NCOA6: variants seen among roughly 807,000 people sequenced by gnomAD.
NCOA6 encodes the protein nuclear receptor coactivator 6, also known as NRC RAP250.
A neutral mutation model predicts 171.4 loss-of-function variants in NCOA6; 49 were observed. The observed-to-expected ratio is 0.29, with a 90% confidence interval of 0.23 to 0.36. NCOA6 has a LOEUF of 0.36. NCOA6 is among the 10% of genes least tolerant of loss of function. NCOA6 has a pLI of 1.00. For synonymous variants in NCOA6, 910 were observed against 927.5 expected (o/e 0.98, Z 0.34); for missense variants, 2,248 against 2,554.5 (o/e 0.88, Z 2.59).
At chr20:34,720,653 T>C (rs921307840) in intron 14 of NCOA6, among the ~76,000 whole-genome samples, 30 of 152,228 alleles carry the variant, frequency 2.0e-4, no homozygotes, top group Non-Finnish European at 2.9e-5. Flanking sequence ...ACCAAACTCT[T>C]ATTAAATGCA....
rs61752053 is a variant in NCOA6 at position 34,749,585 on chromosome 20, T to C, written c.2610A>G (p.Gln870=). ...APNGNQMSCG[Q]NPGFPVNKDV... ...CCTTATTGACTGGGAAGCCTGGATT[T>C]TGACCACAGGACATCTGATTTCCAT... The change falls in exon 9 of 15, where the codon CAA becomes CAG. Residue 870 remains glutamine, a synonymous_variant. Transcript: ENST00000359003. 9.5e-4 allele frequency: 1,536 copies of C among 1,614,228 alleles called. 1 individual carries two copies. The highest frequency in any genetic ancestry group is 1.2e-3 in the Non-Finnish European group (1,470 of 1,180,048).
chr20:34,797,366 T>C (rs1486073283), intron 1 of NCOA6, among the ~76,000 whole-genome samples: 1 of 152,112 alleles, frequency 6.6e-6, no homozygotes, highest in African/African-American at 2.4e-5. Flanking sequence ...AGACATACCC[T>C]GGGCCAGAAG....
intron 5 of NCOA6, among the ~76,000 whole-genome samples, chr20:34,763,155 T>C (rs2076867886): frequency 6.6e-6 from 1 of 152,226 alleles, no homozygotes; most frequent in Non-Finnish European, 1.5e-5. Flanking sequence ...ACGTCTTTCA[T>C]CCATTCTGGA....
intron 6 of NCOA6, 113 bp downstream of exon 6, chr20:34,758,680 TTTGTAAAGAAGG>T: frequency 7.8e-7 from 1 of 1,286,446 alleles, no homozygotes; most frequent in Non-Finnish European, 1.1e-6. Context: ...CAGGTCAGAT[TTTGTAAAGAAGG>T]TTGACATTGT....
At chr20:34,807,974 AC>A (rs1383296106) in intron 1 of NCOA6, among the ~76,000 whole-genome samples, 1 of 150,638 alleles carries the variant, frequency 6.6e-6, no homozygotes, top group Non-Finnish European at 1.5e-5. Flanking sequence ...ACATGGTGAA[AC>A]CCTGTCTCTA....
intron 1 of NCOA6, among the ~76,000 whole-genome samples, chr20:34,814,276 T>C (rs1053753919): frequency 3.3e-5 from 5 of 151,550 alleles, no homozygotes; most frequent in African/African-American, 9.7e-5. Flanking sequence ...GAGGTGGAGG[T>C]TGCAGTGAGC....
chr20:34,748,753 G>C (rs569869465), intron 9 of NCOA6, among the ~76,000 whole-genome samples: 2 of 152,156 alleles, frequency 1.3e-5, no homozygotes, highest in African/African-American at 4.8e-5. Context: ...TCATCTTAGC[G>C]TGGGGTTTTA....
Position 34,750,219 on chromosome 20 carries a change from C to T in NCOA6, c.1976G>A (p.Gly659Asp). ...GCTCGGGGGGTTCACCATCATCTGG[C>T]CCTGTGGCATAAGCTGGGCCCTTGA... ...ILSRAQLMPQGQMMVNPPSQN... is the reference protein window; with the variant it reads ...ILSRAQLMPQDQMMVNPPSQN... The change falls in exon 9 of 15, where the codon GGC becomes GAC. Residue 659 changes from glycine to aspartate, a missense_variant. Physicochemically the swap from Gly to Asp is moderately conservative, Grantham distance 94 (BLOSUM62 -1). Transcript: ENST00000359003. 2 of 1,610,596 alleles carry T rather than the reference C, an allele frequency of 1.2e-6. No individual in the cohort carries two copies. Among genetic ancestry groups the T allele is most frequent in the Non-Finnish European group, 1.7e-6 (2 of 1,178,164 alleles).
chr20:34,769,519 A>G (rs895621919), intron 4 of NCOA6, among the ~76,000 whole-genome samples: 15 of 151,846 alleles, frequency 9.9e-5, no homozygotes, highest in South Asian at 4.2e-4. Flanking sequence ...GCCCACCACC[A>G]CGCCCAGCTA....
At chr20:34,783,701 C>A (rs1380834621) in intron 2 of NCOA6, among the ~76,000 whole-genome samples, 1 of 152,180 alleles carries the variant, frequency 6.6e-6, no homozygotes, top group East Asian at 1.9e-4. Flanking sequence ...CGGCTCACTG[C>A]AACCTCCACC....
rs202105759 is a variant in NCOA6 at position 34,757,686 on chromosome 20, T to A, written c.1062A>T (p.Gln354His). ...WKKAPLPGPM[Q>H]QQLQARPSLA... ...AGGATGGTCTTGCCTGGAGTTGCTG[T>A]TGCATTGGGCCGGGCAAGGGAGCCT... Residue 354 changes from glutamine to histidine, a missense_variant, in exon 7 of 15, where the codon CAA becomes CAT. Physicochemically the swap from Gln to His is conservative, Grantham distance 24 (BLOSUM62 0). Around this residue, in one of 7 missense-constraint regions of NCOA6, gnomAD observed 987 missense variants for 1,104.7 expected, o/e 0.89. Coordinates refer to ENST00000359003, the MANE Select transcript of NCOA6 (RefSeq NM_014071.5). 1 of 1,614,122 alleles carries A rather than the reference T, an allele frequency of 6.2e-7. No homozygotes were observed. Among genetic ancestry groups the A allele is most frequent in the African/African-American group, 1.3e-5 (1 of 75,040 alleles).
intron 5 of NCOA6, among the ~76,000 whole-genome samples, chr20:34,761,616 G>A (rs534127002): frequency 4.3e-4 from 66 of 152,004 alleles, no homozygotes; most frequent in Middle Eastern, 3.4e-3. Context: ...ATTTATGCTT[G>A]GAAATATTAA....
intron 4 of NCOA6, among the ~76,000 whole-genome samples, chr20:34,770,833 T>C (rs2077127590): frequency 6.6e-6 from 1 of 151,992 alleles, no homozygotes; most frequent in Non-Finnish European, 1.5e-5. Flanking sequence ...TTTCACCATG[T>C]TGGCCAGACT....
intron 4 of NCOA6, 29 bp from the exon 5 acceptor site, chr20:34,768,615 A>G (rs746234863): frequency 3.1e-6 from 5 of 1,609,132 alleles, no homozygotes; most frequent in Non-Finnish European, 4.2e-6. Flanking sequence ...ATAAAAAGGA[A>G]ATCATTAGAA....
chr20:34,748,034 T>G (rs2076357312), intron 9 of NCOA6, among the ~76,000 whole-genome samples: 1 of 152,196 alleles, frequency 6.6e-6, no homozygotes, highest in Non-Finnish European at 1.5e-5. Flanking sequence ...GTAAATCCAC[T>G]GTCTCCCTTT....
At chr20:34,803,095 G>C (rs766988046) in intron 1 of NCOA6, among the ~76,000 whole-genome samples, 13 of 152,008 alleles carry the variant, frequency 8.6e-5, no homozygotes, top group Non-Finnish European at 1.2e-4. Context: ...ACAAGCATGA[G>C]CCACCATGCC....
At chr20:34,746,729 G>T in intron 10 of NCOA6, 78 bp downstream of exon 10, 1 of 1,425,478 alleles carries the variant, frequency 7.0e-7, no homozygotes, top group South Asian at 1.5e-5. Context: ...AAATACTATT[G>T]TTTCCTTGAA....
intron 2 of NCOA6, among the ~76,000 whole-genome samples, chr20:34,785,814 ATCT>A (rs1401242927): frequency 1.3e-5 from 2 of 151,982 alleles, no homozygotes; most frequent in Non-Finnish European, 2.9e-5. Context: ...GATCTGGAAA[ATCT>A]TCTACTGGCA....
At chr20:34,715,428 A>G (rs1988415434) in intron 14 of NCOA6, 63 bp from the exon 15 acceptor site, 3 of 1,242,122 alleles carry the variant, frequency 2.4e-6, no homozygotes, top group South Asian at 2.4e-5. Context: ...CCCTTTAGAC[A>G]GTCCACAACA....
Sources: allele counts gnomAD v4.1 joint callset (sites outside exome capture counted in the v4.1 genomes callset), GRCh38; gene constraint gnomAD v4.1.1; regional missense constraint gnomAD v4.1.1; transcripts MANE v1.5; gene names NCBI Gene and HGNC (gene_info 2026-07-23, HGNC 2026-07-21).